Variants in RPH3A observed in about 807,000 individuals in gnomAD.
RPH3A encodes rabphilin 3A.
RPH3A carries 48 observed loss-of-function variants against 102.2 expected under a neutral mutation model. The ratio of observed to expected loss-of-function variants is 0.47; its 90% CI spans 0.37 to 0.60. The LOEUF is 0.60. Ranked by LOEUF, RPH3A falls within the 20% of genes least tolerant of loss-of-function variation. RPH3A has a pLI of 0.00. For missense variants in RPH3A, 781 were observed against 910.1 expected (o/e 0.86, Z 1.83); for synonymous variants, 310 against 324.3 (o/e 0.96, Z 0.47).
Position 112,887,186 on chromosome 12 carries a change from G to A in RPH3A, c.1437-611G>A, listed in dbSNP as rs540501260. On this transcript the variant is annotated intron_variant, in intron 16 of 21. Coordinates refer to ENST00000389385, the MANE Select transcript of RPH3A (RefSeq NM_001143854.2). ...AATAGAAATATGTACATGTATATCCGAAAGACATGAACATAAATATTCCAT... is the reference window on the plus strand; with the variant it reads ...AATAGAAATATGTACATGTATATCCAAAAGACATGAACATAAATATTCCAT... Among the ~76,000 whole-genome samples the A allele has an allele frequency of 1.4e-4, 22 of 152,254 alleles. No individual in the cohort carries two copies. In the South Asian group the frequency reaches 1.7e-3, roughly 11 times the overall value.
chr12:112,645,473 T>C (rs59783992), intron 1 of RPH3A, among the ~76,000 whole-genome samples: 3,802 of 152,304 alleles, frequency 0.025, 141 homozygotes, highest in African/African-American at 0.085. Flanking sequence ...AATGTGTGCT[T>C]GAACCACTGG....
At chr12:112,706,383 G>C (rs2040426884) in intron 1 of RPH3A, among the ~76,000 whole-genome samples, 1 of 152,102 alleles carries the variant, frequency 6.6e-6, no homozygotes, top group African/African-American at 2.4e-5. Context: ...TGAAGCCCCA[G>C]TCGCCCACAC....
intron 2 of RPH3A, among the ~76,000 whole-genome samples, chr12:112,801,735 G>A (rs977589743): frequency 1.4e-4 from 22 of 152,100 alleles, no homozygotes; most frequent in African/African-American, 3.9e-4. Context: ...AGCCATCATT[G>A]ATCCTTGCCC....
chr12:112,879,818 C>T (rs2042876217), intron 14 of RPH3A, among the ~76,000 whole-genome samples: 3 of 152,212 alleles, frequency 2.0e-5, no homozygotes, highest in Non-Finnish European at 4.4e-5. Flanking sequence ...CACAGAAAAA[C>T]AAGCAGGGGC....
At chr12:112,865,280 A>G (rs771151804) in intron 5 of RPH3A, 134 bp from the exon 6 acceptor site, 12 of 1,040,254 alleles carry the variant, frequency 1.2e-5, no homozygotes, top group Non-Finnish European at 1.5e-5. Context: ...TTCTTGGGGA[A>G]GAGTTCACAA....
chr12:112,689,240 G>A (rs1032532717), intron 1 of RPH3A, among the ~76,000 whole-genome samples: 6 of 152,152 alleles, frequency 3.9e-5, no homozygotes, highest in African/African-American at 1.4e-4. Context: ...AGACAATAGG[G>A]AGTGGTGGGG....
intron 1 of RPH3A, among the ~76,000 whole-genome samples, chr12:112,708,037 C>T (rs1388410240): frequency 3.3e-5 from 5 of 152,212 alleles, no homozygotes; most frequent in East Asian, 3.8e-4. Flanking sequence ...CTGAAGAAAC[C>T]GCATTCTCAT....
chr12:112,662,111 C>T (rs1018605280), intron 1 of RPH3A, among the ~76,000 whole-genome samples: 2 of 152,190 alleles, frequency 1.3e-5, no homozygotes, highest in African/African-American at 4.8e-5. Flanking sequence ...ACTCTAAAAG[C>T]ATTGAGCAGA....
chr12:112,850,535 T>C (rs935882728), intron 5 of RPH3A, among the ~76,000 whole-genome samples: 3 of 152,192 alleles, frequency 2.0e-5, no homozygotes, highest in Non-Finnish European at 4.4e-5. Flanking sequence ...TCTGCCTGGC[T>C]TCCCAGAGTG....
intron 1 of RPH3A, among the ~76,000 whole-genome samples, chr12:112,780,832 T>A (rs1158801408): frequency 6.6e-6 from 1 of 152,126 alleles, no homozygotes; most frequent in Admixed American, 6.5e-5. Flanking sequence ...AAAGACTGAC[T>A]TAAGAATGAC....
intron 1 of RPH3A, among the ~76,000 whole-genome samples, chr12:112,614,688 CAAAAAAAAAAAAA>C (rs35810360): frequency 8.8e-4 from 24 of 27,156 alleles, no homozygotes; most frequent in Middle Eastern, 0.043. Flanking sequence ...GACCCTGCCT[CAAAAAAAAAAAAA>C]AAAAAAAAAA....
At chr12:112,849,020 A>C (rs1457133880) in intron 5 of RPH3A, among the ~76,000 whole-genome samples, 1 of 152,188 alleles carries the variant, frequency 6.6e-6, no homozygotes, top group Non-Finnish European at 1.5e-5. Context: ...GCCCCTACCC[A>C]AGCCCTTCTG....
intron 1 of RPH3A, among the ~76,000 whole-genome samples, chr12:112,727,839 G>T (rs1268379131): frequency 1.3e-5 from 2 of 152,000 alleles, no homozygotes. Flanking sequence ...GTTTGAGCAG[G>T]GTTCTTTTGT....
At position 112,867,539 on chromosome 12, in the gene RPH3A, G is replaced by T. The variant is rs571954504; in HGVS notation, c.444+699G>T. On this transcript the variant is annotated intron_variant, in intron 7 of 21. Coordinates refer to ENST00000389385, the MANE Select transcript of RPH3A (RefSeq NM_001143854.2). ...ATGAAGGTGTTATTGACAAAGGTCC[G>T]GGCAGAACTAAGAGGAATCAGCAAG... Among the ~76,000 whole-genome samples, 28 of 152,210 alleles carry T rather than the reference G, an allele frequency of 1.8e-4. No homozygotes were observed. In the South Asian group the frequency reaches 1.9e-3, roughly 10 times the overall value.
At position 112,865,562 on chromosome 12, in the gene RPH3A, C is replaced by G; in HGVS notation, c.360+19C>G. The G allele has an allele frequency of 6.2e-7, 1 of 1,611,192 alleles. No homozygotes were observed. Among genetic ancestry groups the G allele is most frequent in the Non-Finnish European group, 8.5e-7 (1 of 1,179,050 alleles). On this transcript the variant is annotated intron_variant, in intron 6 of 21. Coordinates refer to ENST00000389385, the MANE Select transcript of RPH3A (RefSeq NM_001143854.2). ...TAAGAAGGTATCATCATCCTCTTCTCCCTTCTTCCCTGTGCAGCACCTGCA... is the reference window on the plus strand; with the variant it reads ...TAAGAAGGTATCATCATCCTCTTCTGCCTTCTTCCCTGTGCAGCACCTGCA...
chr12:112,759,511 G>C (rs1229284370), intron 1 of RPH3A, among the ~76,000 whole-genome samples: 1 of 152,160 alleles, frequency 6.6e-6, no homozygotes, highest in Non-Finnish European at 1.5e-5. Flanking sequence ...CTTGATGAAT[G>C]AGAGGACAGG....
intron 1 of RPH3A, among the ~76,000 whole-genome samples, chr12:112,782,109 G>A (rs943442223): frequency 6.6e-6 from 1 of 152,180 alleles, no homozygotes; most frequent in African/African-American, 2.4e-5. Flanking sequence ...GGGGAGAGTG[G>A]ACAGATACTC....
chr12:112,856,213 TAC>T, intron 5 of RPH3A, among the ~76,000 whole-genome samples: 2 of 152,112 alleles, frequency 1.3e-5, no homozygotes, highest in Non-Finnish European at 2.9e-5. Context: ...GGGACAATTG[TAC>T]ATCCATTAAC....
At chr12:112,815,570 T>C (rs1175472000) in intron 2 of RPH3A, among the ~76,000 whole-genome samples, 1 of 152,114 alleles carries the variant, frequency 6.6e-6, no homozygotes, top group African/African-American at 2.4e-5. Context: ...GCTGTGAGCA[T>C]TTTGTCTCTG....
Sources: gnomAD v4.1 joint callset for allele counts (sites outside exome capture counted in the v4.1 genomes callset) on GRCh38, gnomAD v4.1.1 for gene constraint, MANE v1.5 for transcripts, NCBI Gene and HGNC (gene_info 2026-07-23, HGNC 2026-07-21) for gene names.